CUX1: variants seen among roughly 807,000 people sequenced by gnomAD.
The protein encoded by CUX1 is cut like homeobox 1.
CUX1 carries 31 observed loss-of-function variants against 158.8 expected under a neutral mutation model. The observed-to-expected ratio is 0.20, with a 90% CI of 0.15 to 0.26. The LOEUF (loss-of-function observed/expected upper bound fraction) is 0.26. Among genes scored for constraint, CUX1 ranks in the 10% least tolerant of loss-of-function variants. The pLI, the probability that CUX1 is intolerant of heterozygous loss-of-function variation, is 1.00. For synonymous variants in CUX1, 879 were observed against 862.1 expected, an observed-to-expected ratio of 1.02 and a Z score of -0.34; for missense variants, 1,589 against 2,014.6, an observed-to-expected ratio of 0.79 and a Z score of 4.04.
chr7:102,008,533 G>A (rs1056614822), intron 2 of CUX1, among the ~76,000 whole-genome samples: 6 of 152,194 alleles, frequency 3.9e-5, no homozygotes, highest in African/African-American at 1.2e-4. Flanking sequence ...TTCTCCTCGT[G>A]TAATCCCTGA....
At chr7:102,081,092 C>T (rs149310715) in intron 4 of CUX1, among the ~76,000 whole-genome samples, 1 of 152,352 alleles carries the variant, frequency 6.6e-6, no homozygotes, top group East Asian at 1.9e-4. Context: ...ATCACTTCTT[C>T]ACCTATTTAC....
At chr7:101,994,794 A>G (rs911187074) in intron 2 of CUX1, among the ~76,000 whole-genome samples, 3 of 151,986 alleles carry the variant, frequency 2.0e-5, no homozygotes, top group African/African-American at 2.4e-5. Context: ...ACGTGTCTAG[A>G]AGAGAAACAT....
At chr7:101,933,576 C>A (rs1217282338) in intron 2 of CUX1, among the ~76,000 whole-genome samples, 3 of 151,908 alleles carry the variant, frequency 2.0e-5, no homozygotes, top group Non-Finnish European at 4.4e-5. Flanking sequence ...AATGCTTCTA[C>A]TATTAAGATC....
chr7:101,871,458 A>C (rs2089295682), intron 1 of CUX1, among the ~76,000 whole-genome samples: 1 of 152,100 alleles, frequency 6.6e-6, no homozygotes, highest in African/African-American at 2.4e-5. Context: ...CTGGAGAGCC[A>C]CTTGGTGGAG....
At position 102,254,039 on chromosome 7, in the gene CUX1, C is replaced by T. The variant is rs1171029555; in HGVS notation, c.*4997C>T. On this transcript the variant is annotated 3_prime_UTR_variant, in exon 24 of 24. Coordinates refer to ENST00000292535, the MANE Select transcript of CUX1 (RefSeq NM_181552.4). ...AGAAAAGCTGCCAGCGCAGCAGACA[C>T]GAACATCCCTCTGCCTGGTGGGCCG... The T allele has an allele frequency of 2.3e-5, 23 of 985,382 alleles. No individual in the cohort carries two copies. Among genetic ancestry groups the T allele is most frequent in the East Asian group, 2.3e-4 (2 of 8,826 alleles). The allele number at this position is 985,382 out of a possible 1,614,324, so 61.0% of individuals were successfully genotyped here.
chr7:102,283,174 A>G (rs1792242240), exon 23 of CUX1: 2 of 1,149,216 alleles, frequency 1.7e-6, no homozygotes, highest in Admixed American at 3.6e-5. Flanking sequence ...ACTCCCCTGA[A>G]GAATCCCCCA....
At chr7:101,882,739 G>T (rs1020131457) in intron 1 of CUX1, among the ~76,000 whole-genome samples, 1 of 152,158 alleles carries the variant, frequency 6.6e-6, no homozygotes, top group South Asian at 2.1e-4. Flanking sequence ...GAATCTGCAC[G>T]TGGGTCCTTG....
At chr7:102,093,675 T>C (rs1191340333) in intron 4 of CUX1, among the ~76,000 whole-genome samples, 2 of 152,206 alleles carry the variant, frequency 1.3e-5, no homozygotes, top group Non-Finnish European at 2.9e-5. Context: ...GTGCTGAATA[T>C]GTACAGTATT....
intron 8 of CUX1, among the ~76,000 whole-genome samples, chr7:102,143,920 T>C (rs1834742355): frequency 6.6e-6 from 1 of 152,044 alleles, no homozygotes; most frequent in African/African-American, 2.4e-5. Context: ...GTAGCTGGAA[T>C]TACAGGCATG....
At chr7:102,277,807 G>A in intron 17 of CUX1, 2 of 469,460 alleles carry the variant, frequency 4.3e-6, no homozygotes, top group South Asian at 4.4e-5. Flanking sequence ...TGGGGCCACA[G>A]TGGGGGAAGG....
downstream of CUX1, among the ~76,000 whole-genome samples, chr7:102,259,803 G>A (rs1276449941): frequency 3.3e-5 from 5 of 151,456 alleles, no homozygotes; most frequent in Non-Finnish European, 5.9e-5. Context: ...AGAAAGAACA[G>A]TTGGGCACAG....
At chr7:101,834,231 T>C (rs1027274303) in intron 1 of CUX1, among the ~76,000 whole-genome samples, 28 of 141,472 alleles carry the variant, frequency 2.0e-4, no homozygotes, top group Non-Finnish European at 3.3e-4. Context: ...TGGAGTGCAG[T>C]GGCACTATCT....
intron 8 of CUX1, among the ~76,000 whole-genome samples, chr7:102,116,305 GC>G (rs1360577724): frequency 6.6e-6 from 1 of 152,030 alleles, no homozygotes; most frequent in African/African-American, 2.4e-5. Flanking sequence ...GACCTCGAGA[GC>G]CCAGCTTCGT....
chr7:102,170,503 A>T lies in CUX1; in HGVS notation c.781A>T (p.Asn261Tyr). The change falls in exon 10 of 24, where the codon AAT (asparagine) becomes TAT (tyrosine). Residue 261 changes from asparagine to tyrosine, a missense_variant. Asn to Tyr is a moderately radical substitution (Grantham distance 143). Coordinates refer to ENST00000292535, the MANE Select transcript of CUX1 (RefSeq NM_181552.4). Reference sequence around the variant, plus strand: ...CTTAAGGGAACAGCTCTCATCGGCCAATCACTCCCTCCAGCTGGCCTCACA... The same window carrying T: ...CTTAAGGGAACAGCTCTCATCGGCCTATCACTCCCTCCAGCTGGCCTCACA... ...ETLREQLSSA[N>Y]HSLQLASQIQ... The T allele has an allele frequency of 1.3e-6, 2 of 1,593,110 alleles. No homozygotes were observed. The highest frequency in any genetic ancestry group is 1.7e-6 in the Non-Finnish European group (2 of 1,169,422).
downstream of CUX1, among the ~76,000 whole-genome samples, chr7:102,260,704 G>A (rs1232484842): frequency 7.9e-5 from 12 of 151,548 alleles, no homozygotes; most frequent in South Asian, 2.1e-4. Flanking sequence ...GATTACAGGC[G>A]TGAGCCACCA....
At chr7:101,914,873 G>C (rs754957020) in intron 1 of CUX1, among the ~76,000 whole-genome samples, 50 of 152,184 alleles carry the variant, frequency 3.3e-4, no homozygotes, top group Non-Finnish European at 8.8e-5. Flanking sequence ...TACCAAGGAA[G>C]CATTTCCCAG....
At chr7:101,820,009 T>C (rs1051763586) in intron 1 of CUX1, among the ~76,000 whole-genome samples, 1 of 152,196 alleles carries the variant, frequency 6.6e-6, no homozygotes, top group Non-Finnish European at 1.5e-5. Flanking sequence ...CTTTAATGGC[T>C]ATTTAAAAAG....
intron 5 of CUX1, among the ~76,000 whole-genome samples, chr7:102,098,796 A>T (rs1554485260): frequency 7.8e-6 from 1 of 127,650 alleles, no homozygotes; most frequent in Non-Finnish European, 1.6e-5. Context: ...GCCCGCCACC[A>T]CGCCCAACTA....
intron 12 of CUX1, among the ~76,000 whole-genome samples, chr7:102,190,774 C>G (rs1794188880): frequency 6.6e-6 from 1 of 152,136 alleles, no homozygotes; most frequent in Admixed American, 6.5e-5. Flanking sequence ...CACAGATGCC[C>G]TAGCCCTCTG....
Sources: allele counts gnomAD v4.1 joint callset (sites outside exome capture counted in the v4.1 genomes callset), GRCh38; gene constraint gnomAD v4.1.1; transcripts MANE v1.5; gene names NCBI Gene and HGNC (gene_info 2026-07-23, HGNC 2026-07-21).